The following STXBP5 variants were observed in gnomAD, a reference collection of about 807,000 sequenced individuals.
STXBP5 encodes syntaxin-binding protein 5.
STXBP5 carries 50 observed loss-of-function variants against 152.4 expected under a neutral mutation model. That is an observed-to-expected ratio of 0.33 (90% confidence interval 0.26 to 0.42). The LOEUF (loss-of-function observed/expected upper bound fraction) is 0.42. Among genes scored for constraint, STXBP5 ranks in the 10% least tolerant of loss-of-function variants. The probability of loss-of-function intolerance (pLI) is 1.00; values close to 1 mark genes in which losing one functional copy is unlikely to be tolerated. For missense variants in STXBP5, 1,167 were observed against 1,388.6 expected, an observed-to-expected ratio of 0.84 and a Z score of 2.54; for synonymous variants, 492 against 494.7, an observed-to-expected ratio of 0.99 and a Z score of 0.07.
chr6:147,373,887 A>G (rs1163963106), intron 26 of STXBP5, 45 bp downstream of exon 26: 1 of 1,468,154 alleles, frequency 6.8e-7, no homozygotes, highest in Non-Finnish European at 9.4e-7. Context: ...ATAAAACAGG[A>G]ACAAGCCATA....
intron 21 of STXBP5, 118 bp downstream of exon 21, chr6:147,339,502 A>G (rs1274105376): frequency 1.4e-6 from 1 of 733,314 alleles, no homozygotes; most frequent in Non-Finnish European, 2.1e-6. Flanking sequence ...TATGCTAAAA[A>G]AATAATCTCT....
intron 25 of STXBP5, among the ~76,000 whole-genome samples, chr6:147,369,022 T>G (rs1479596638): frequency 6.6e-6 from 1 of 151,852 alleles, no homozygotes; most frequent in East Asian, 1.9e-4. Context: ...ACAAGAGAAC[T>G]AAAATACACA....
chr6:147,271,690 A>G (rs1780177964), intron 7 of STXBP5, among the ~76,000 whole-genome samples: 1 of 152,182 alleles, frequency 6.6e-6, no homozygotes, highest in Non-Finnish European at 1.5e-5. Flanking sequence ...AATGGTTTCA[A>G]GCGAGTGGCC....
chr6:147,216,573 C>A (rs1427442457), intron 2 of STXBP5, among the ~76,000 whole-genome samples: 1 of 152,120 alleles, frequency 6.6e-6, no homozygotes, highest in Non-Finnish European at 1.5e-5. Context: ...GCCCACTGAC[C>A]ACTCTTTGCA....
chr6:147,223,856 T>C (rs1777579633), intron 2 of STXBP5, among the ~76,000 whole-genome samples: 1 of 152,218 alleles, frequency 6.6e-6, no homozygotes, highest in South Asian at 2.1e-4. Flanking sequence ...AAAAGAAACA[T>C]GTTAATTACT....
In STXBP5 at chr6:147,239,231, G is replaced by T. The variant is rs1192902124; in HGVS notation, c.392G>T (p.Arg131Met). ...TLHLWNLRQK[R>M]PAILHSLKFC... ...CACTTATGGAATTTACGTCAGAAGA[G>T]GCCTGCCATACTACATTCGCTTAAA... The change falls in exon 4 of 28, where the codon AGG becomes ATG. Residue 131 changes from arginine to methionine, a missense_variant. This residue lies in a region of STXBP5 where 310 missense variants were observed against 346.1 expected (regional missense o/e 0.90). Coordinates refer to ENST00000321680, the MANE Select transcript of STXBP5 (RefSeq NM_001127715.4). The T allele has an allele frequency of 6.2e-7, 1 of 1,613,736 alleles. No homozygotes were observed. Among genetic ancestry groups the T allele is most frequent in the South Asian group, 1.1e-5 (1 of 91,052 alleles).
chr6:147,331,474 A>G (rs1783565731), intron 18 of STXBP5, among the ~76,000 whole-genome samples: 1 of 152,182 alleles, frequency 6.6e-6, no homozygotes, highest in African/African-American at 2.4e-5. Context: ...ACTAGAAAGG[A>G]TATTTCTCTG....
chr6:147,214,358 C>T (rs1262702422), intron 2 of STXBP5, among the ~76,000 whole-genome samples: 1 of 151,820 alleles, frequency 6.6e-6, no homozygotes, highest in Non-Finnish European at 1.5e-5. Context: ...TTTTGGACAC[C>T]AGCTCTGTTT....
At chr6:147,324,153 C>T (rs1783084028) in intron 16 of STXBP5, among the ~76,000 whole-genome samples, 1 of 151,916 alleles carries the variant, frequency 6.6e-6, no homozygotes, top group African/African-American at 2.4e-5. Flanking sequence ...TAGGTGCACA[C>T]ACACACACAC....
chr6:147,224,383 C>T, intron 2 of STXBP5, among the ~76,000 whole-genome samples: 1 of 152,178 alleles, frequency 6.6e-6, no homozygotes, highest in Non-Finnish European at 1.5e-5. Flanking sequence ...ACTGTGATTG[C>T]ACCACTGAAC....
intron 9 of STXBP5, among the ~76,000 whole-genome samples, chr6:147,298,638 T>G (rs1461675728): frequency 6.6e-6 from 1 of 152,070 alleles, no homozygotes; most frequent in Non-Finnish European, 1.5e-5. Flanking sequence ...GTAGCTTTTT[T>G]GGCCACAGTG....
chr6:147,352,618 A>G (rs1351246291), intron 21 of STXBP5, among the ~76,000 whole-genome samples: 1 of 152,172 alleles, frequency 6.6e-6, no homozygotes, highest in African/African-American at 2.4e-5. Flanking sequence ...TCAATTTAAA[A>G]AAAAGAAGAA....
At chr6:147,324,869 C>A in intron 16 of STXBP5, 90 bp from the exon 17 acceptor site, 1 of 1,126,286 alleles carries the variant, frequency 8.9e-7, no homozygotes, top group Non-Finnish European at 1.2e-6. Context: ...ATTTAAGTAT[C>A]TAGTATCGTT....
At chr6:147,327,314 T>G (rs1358596067) in intron 18 of STXBP5, 38 bp downstream of exon 18, 2 of 1,585,578 alleles carry the variant, frequency 1.3e-6, no homozygotes, top group South Asian at 1.2e-5. Context: ...AGCTTTAGGA[T>G]TTCTATAAAT....
At chr6:147,241,340 C>G (rs1300009633) in intron 4 of STXBP5, among the ~76,000 whole-genome samples, 10 of 152,114 alleles carry the variant, frequency 6.6e-5, no homozygotes, top group Non-Finnish European at 1.0e-4. Flanking sequence ...TTGTGTTGAA[C>G]AATTCTATGT....
intron 8 of STXBP5, among the ~76,000 whole-genome samples, chr6:147,278,835 G>A (rs1780567868): frequency 1.3e-5 from 2 of 152,132 alleles, no homozygotes; most frequent in Admixed American, 1.3e-4. Context: ...CACAGAATAG[G>A]CTTCATTCCA....
In STXBP5 at chr6:147,297,525, A is replaced by G. The variant is rs140283176; in HGVS notation, c.917+6353A>G. On this transcript the variant is annotated intron_variant, in intron 9 of 27. Coordinates refer to ENST00000321680, the MANE Select transcript of STXBP5 (RefSeq NM_001127715.4). ...AAACATCAGAAATTATAAAACTCAC[A>G]GATAGAGATAAATTTGTAATCAAAC... is the stretch of plus-strand genomic sequence containing the variant. 2.0e-5 allele frequency among the ~76,000 whole-genome samples: 3 copies of G among 152,302 alleles called. No individual in the cohort carries two copies. The East Asian group carries it at 5.8e-4, about 29-fold the overall frequency.
rs1218723500 is a variant in STXBP5 at position 147,389,691 on chromosome 6, TTTTG to T, written c.*4940_*4943del. Reference sequence around the variant, plus strand: ...TTATTTGGTAGTTGGTTTTGTTTGTTTTTGTTTATTTACTTTTGCTATTTGTTTT... The same window carrying T: ...TTATTTGGTAGTTGGTTTTGTTTGTTTTTATTTACTTTTGCTATTTGTTTT... On this transcript the variant is annotated 3_prime_UTR_variant, in exon 28 of 28. Transcript: ENST00000321680. 4 of 152,084 alleles carry T rather than the reference TTTTG, an allele frequency of 2.6e-5. No homozygotes were observed. Among genetic ancestry groups the T allele is most frequent in the Admixed American group, 6.6e-5 (1 of 15,236 alleles). 9.4% of individuals were successfully genotyped at this position (152,084 alleles called of 1,614,324 possible).
intron 18 of STXBP5, among the ~76,000 whole-genome samples, chr6:147,330,129 C>G (rs1326081223): frequency 6.6e-6 from 1 of 152,032 alleles, no homozygotes; most frequent in African/African-American, 2.4e-5. Flanking sequence ...AATAAAAATT[C>G]TAGAACTGTC....
Sources: gnomAD v4.1 joint callset for allele counts (sites outside exome capture counted in the v4.1 genomes callset) on GRCh38, gnomAD v4.1.1 for gene constraint, gnomAD v4.1.1 regional missense constraint, MANE v1.5 for transcripts, NCBI Gene and HGNC (gene_info 2026-07-23, HGNC 2026-07-21) for gene names.